Variants in SOCS6 observed in about 807,000 individuals in gnomAD.
SOCS6 encodes suppressor of cytokine signaling 6, also known as STAT induced STAT inhibitor-4.
Under a neutral mutation model 27.7 loss-of-function variants are expected in SOCS6, and 5 were observed. The ratio of observed to expected loss-of-function variants is 0.18; its 90% CI spans 0.09 to 0.38. The LOEUF is 0.38. SOCS6 is among the 10% of genes least tolerant of loss of function. The pLI, the probability that SOCS6 is intolerant of heterozygous loss-of-function variation, is 1.00. For synonymous variants in SOCS6, 271 were observed against 260.0 expected (o/e 1.04, Z -0.41); for missense variants, 595 against 688.1 (o/e 0.86, Z 1.51).
At chr18:70,308,148 A>G (rs1384819045) in intron 1 of SOCS6, among the ~76,000 whole-genome samples, 2 of 152,146 alleles carry the variant, frequency 1.3e-5, no homozygotes, top group Admixed American at 6.5e-5. Flanking sequence ...TCTGTTGTAG[A>G]TATATCATTA....
In SOCS6 at chr18:70,326,612, G is replaced by C; in HGVS notation, c.*336G>C. The C allele has an allele frequency of 4.0e-6, 1 of 251,126 alleles. No individual in the cohort carries two copies. The highest frequency in any genetic ancestry group is 8.2e-6 in the Non-Finnish European group (1 of 121,276). 15.6% of individuals were successfully genotyped at this position (251,126 alleles called of 1,614,324 possible). Reference sequence around the variant, plus strand: ...CCACTGTGATTTTTATGCATTAAAAGCACATTTCATGTGTATTCAACCCTA... The same window carrying C: ...CCACTGTGATTTTTATGCATTAAAACCACATTTCATGTGTATTCAACCCTA... On this transcript the variant is annotated 3_prime_UTR_variant, in exon 2 of 2. Coordinates refer to ENST00000397942, the MANE Select transcript of SOCS6 (RefSeq NM_004232.4).
At chr18:70,312,593 A>G (rs1269567780) in intron 1 of SOCS6, among the ~76,000 whole-genome samples, 3 of 152,172 alleles carry the variant, frequency 2.0e-5, no homozygotes, top group Non-Finnish European at 2.9e-5. Flanking sequence ...TGAAGAGGTT[A>G]TCTTGTTTTG....
At chr18:70,314,865 G>GTATATATA (rs59769890) in intron 1 of SOCS6, among the ~76,000 whole-genome samples, 40 of 150,274 alleles carry the variant, frequency 2.7e-4, no homozygotes, top group Non-Finnish European at 3.7e-4. Flanking sequence ...GATTTTGTGT[G>GTATATATA]TATATATATA....
intron 1 of SOCS6, among the ~76,000 whole-genome samples, chr18:70,296,275 T>C (rs1421605451): frequency 6.6e-6 from 1 of 152,202 alleles, no homozygotes; most frequent in Non-Finnish European, 1.5e-5. Flanking sequence ...TTCAGGTTAA[T>C]ATTTTAGTTC....
At chr18:70,289,340 C>G (rs1225809751) in intron 1 of SOCS6, among the ~76,000 whole-genome samples, 2 of 148,544 alleles carry the variant, frequency 1.3e-5, no homozygotes, top group African/African-American at 4.9e-5. Context: ...GGGGCCAGTC[C>G]CGGGAGCGGG....
chr18:70,325,596 C>T lies in SOCS6; in HGVS notation c.928C>T (p.Leu310Phe), dbSNP rs764598800. ...PRAGHDDVPP[L>F]SPLLPPMQNN... ...AGCGGGTCACGATGATGTCCCTCCA[C>T]TCTCACCATTGCTACCTCCAATGCA... Residue 310 changes from leucine (L) to phenylalanine (F), a missense_variant, in exon 2 of 2, where the codon CTC becomes TTC. By Grantham distance (22) the Leu-to-Phe change is conservative. Coordinates refer to ENST00000397942, the MANE Select transcript of SOCS6 (RefSeq NM_004232.4). The surrounding 1 kb of genome is among the most constrained non-coding windows in gnomAD (Gnocchi z 6.3). 7 of 1,614,108 alleles carry T rather than the reference C, an allele frequency of 4.3e-6. No homozygotes were observed. In the Admixed American group the frequency reaches 8.3e-5, roughly 19 times the overall value.
At chr18:70,318,064 G>A (rs894412437) in intron 1 of SOCS6, among the ~76,000 whole-genome samples, 2 of 152,018 alleles carry the variant, frequency 1.3e-5, no homozygotes, top group Admixed American at 6.6e-5. Flanking sequence ...CATGTTGGCC[G>A]GACTGGCCCT....
intron 1 of SOCS6, among the ~76,000 whole-genome samples, chr18:70,323,139 C>T (rs546303255): frequency 1.5e-3 from 233 of 152,300 alleles, no homozygotes; most frequent in African/African-American, 5.3e-3. Context: ...TGCCAAGAAA[C>T]TGAGTGGCGC....
At chr18:70,321,486 ATTT>A (rs765150837) in intron 1 of SOCS6, among the ~76,000 whole-genome samples, 56 of 112,634 alleles carry the variant, frequency 5.0e-4, no homozygotes, top group Middle Eastern at 4.9e-3. Flanking sequence ...ATGCCTGGCT[ATTT>A]TTTTTTTTTT....
chr18:70,324,658 A>G lies in SOCS6; in HGVS notation c.-11A>G. ...GAAATATTGATCCCTTGGATTAGGT[A>G]ACTAGTCATAATGAAGAAAATTAGT... On this transcript the variant is annotated 5_prime_UTR_variant, in exon 2 of 2. The change abolishes the stop of an existing upstream ORF in the 5' untranslated region. Transcript: ENST00000397942. 1 of 1,514,718 alleles carries G rather than the reference A, an allele frequency of 6.6e-7. No individual in the cohort carries two copies. Among genetic ancestry groups the G allele is most frequent in the Non-Finnish European group, 9.0e-7 (1 of 1,108,052 alleles). The allele number at this position is 1,514,718 out of a possible 1,614,324, so 93.8% of individuals were successfully genotyped here. A position where few individuals can be genotyped will look rare whatever the true frequency, so the allele number is the denominator to read the frequency against.
chr18:70,321,486 A>ATTTTTTTTTT (rs765150837), intron 1 of SOCS6, among the ~76,000 whole-genome samples: 30 of 112,634 alleles, frequency 2.7e-4, no homozygotes, highest in African/African-American at 1.0e-3. Flanking sequence ...ATGCCTGGCT[A>ATTTTTTTTTT]TTTTTTTTTT....
At chr18:70,289,599 C>T (rs1410193022) in intron 1 of SOCS6, among the ~76,000 whole-genome samples, 1 of 147,426 alleles carries the variant, frequency 6.8e-6, no homozygotes, top group African/African-American at 2.4e-5. Flanking sequence ...CGGGCTCGGG[C>T]TCGGGCTCGG....
intron 1 of SOCS6, among the ~76,000 whole-genome samples, chr18:70,323,424 C>G (rs900180082): frequency 2.0e-5 from 3 of 151,598 alleles, no homozygotes; most frequent in African/African-American, 7.3e-5. Context: ...GAACAATGTA[C>G]AAAAAAAGTT....
At chr18:70,297,990 T>G (rs1332025160) in intron 1 of SOCS6, among the ~76,000 whole-genome samples, 2 of 152,204 alleles carry the variant, frequency 1.3e-5, no homozygotes, top group Non-Finnish European at 2.9e-5. Flanking sequence ...AATGGGCAAA[T>G]TGCTCTTTAA....
intron 1 of SOCS6, among the ~76,000 whole-genome samples, chr18:70,315,303 C>T (rs931524088): frequency 1.3e-5 from 2 of 151,854 alleles, no homozygotes; most frequent in Non-Finnish European, 2.9e-5. Context: ...TTTTTTCTTT[C>T]TCCTGAAGGA....
chr18:70,295,353 A>C (rs1600147789), intron 1 of SOCS6, among the ~76,000 whole-genome samples: 1 of 152,210 alleles, frequency 6.6e-6, no homozygotes, highest in East Asian at 1.9e-4. Context: ...TTTGTGGTAC[A>C]CATTGTTCTG....
At chr18:70,318,684 T>A (rs1316978745) in intron 1 of SOCS6, among the ~76,000 whole-genome samples, 1 of 152,066 alleles carries the variant, frequency 6.6e-6, no homozygotes, top group Admixed American at 6.5e-5. Context: ...ACGCCTGTAA[T>A]CCCAGCACTT....
At chr18:70,302,385 G>A (rs547614775) in intron 1 of SOCS6, among the ~76,000 whole-genome samples, 34 of 152,280 alleles carry the variant, frequency 2.2e-4, no homozygotes, top group African/African-American at 7.7e-4. Context: ...GAAATGGTAG[G>A]CCGGGAAGGA....
chr18:70,292,719 A>C (rs994530594), intron 1 of SOCS6, among the ~76,000 whole-genome samples: 7 of 152,058 alleles, frequency 4.6e-5, no homozygotes, highest in African/African-American at 1.4e-4. Context: ...ATTTCTCCCT[A>C]ATTCTCATCT....
Sources: allele counts gnomAD v4.1 joint callset (sites outside exome capture counted in the v4.1 genomes callset), GRCh38; gene constraint gnomAD v4.1.1; non-coding constraint Gnocchi (gnomAD v3.1); transcripts MANE v1.5; gene names NCBI Gene and HGNC (gene_info 2026-07-23, HGNC 2026-07-21).